SIM1: variants seen among roughly 807,000 people sequenced by gnomAD.
SIM1 encodes single-minded homolog 1.
In SIM1, 18 loss-of-function variants were observed where a neutral mutation model predicts 78.2. The ratio of observed to expected loss-of-function variants is 0.23; its 90% CI spans 0.16 to 0.34. SIM1 has a LOEUF of 0.34. Ranked by LOEUF, SIM1 falls within the 10% of genes least tolerant of loss-of-function variation. SIM1 has a pLI of 1.00. For synonymous variants in SIM1, 417 were observed against 385.2 expected, an observed-to-expected ratio of 1.08 and a Z score of -0.97; for missense variants, 939 against 975.1, an observed-to-expected ratio of 0.96 and a Z score of 0.49.
At chr6:100,409,380 T>C (rs1386287761) in intron 10 of SIM1, among the ~76,000 whole-genome samples, 1 of 152,094 alleles carries the variant, frequency 6.6e-6, no homozygotes, top group South Asian at 2.1e-4. Context: ...TAGTATCAGC[T>C]ATAATATTTC....
chr6:100,388,177 T>C lies in SIM1; in HGVS notation c.*2184A>G, dbSNP rs1310981271. 6.6e-6 allele frequency: 1 copy of C among 152,188 alleles called. No individual in the cohort carries two copies. Among genetic ancestry groups the C allele is most frequent in the Non-Finnish European group, 1.5e-5 (1 of 68,020 alleles). The allele number at this position is 152,188 out of a possible 1,614,324, so 9.4% of individuals were successfully genotyped here. A position where few individuals can be genotyped will look rare whatever the true frequency, so the allele number is the denominator to read the frequency against. Reference sequence around the variant, plus strand: ...AATTCAAAACTTAGTTTTTATTGTATGGTCACCCCTTGGTATAAACAGGGA... The same window carrying C: ...AATTCAAAACTTAGTTTTTATTGTACGGTCACCCCTTGGTATAAACAGGGA... On this transcript the variant is annotated 3_prime_UTR_variant, in exon 12 of 12. Coordinates refer to ENST00000369208, the MANE Select transcript of SIM1 (RefSeq NM_005068.3).
At chr6:100,444,047 A>G (rs1772287955) in intron 9 of SIM1, among the ~76,000 whole-genome samples, 1 of 152,150 alleles carries the variant, frequency 6.6e-6, no homozygotes, top group Admixed American at 6.5e-5. Flanking sequence ...GTCTGAAAAC[A>G]TAAATAGAAC....
At chr6:100,457,554 T>C (rs942542941) in intron 2 of SIM1, among the ~76,000 whole-genome samples, 8 of 152,348 alleles carry the variant, frequency 5.3e-5, no homozygotes, top group Non-Finnish European at 8.8e-5. Flanking sequence ...AAATGTGTAC[T>C]GTGCAAGTCT....
intron 9 of SIM1, among the ~76,000 whole-genome samples, chr6:100,445,561 T>C (rs1303800207): frequency 6.6e-6 from 1 of 152,202 alleles, no homozygotes; most frequent in East Asian, 1.9e-4. Context: ...TGTACACTTA[T>C]CTACTGGAAA....
chr6:100,397,231 C>T (rs899557134), intron 10 of SIM1, among the ~76,000 whole-genome samples: 2 of 152,098 alleles, frequency 1.3e-5, no homozygotes, highest in African/African-American at 4.8e-5. Context: ...ATTCTAGAGG[C>T]TTCTGAGTTT....
intron 9 of SIM1, among the ~76,000 whole-genome samples, chr6:100,437,980 A>C (rs977996462): frequency 6.6e-6 from 1 of 152,192 alleles, no homozygotes; most frequent in Non-Finnish European, 1.5e-5. Flanking sequence ...AGGATCAAAG[A>C]CTTAAATCTA....
Position 100,449,613 on chromosome 6 carries a change from G to T in SIM1, c.435C>A (p.Pro145=). The T allele has an allele frequency of 1.9e-6, 3 of 1,614,056 alleles. No homozygotes were observed. Among genetic ancestry groups the T allele is most frequent in the Non-Finnish European group, 2.5e-6 (3 of 1,179,910 alleles). ...EMTAVLTAHQ[P]YHSHFVQEYE... is the part of the protein sequence containing the mutation. Reference sequence around the variant, plus strand: ...TACCCTGCACGAAGTGAGAGTGGTAGGGTTGATGGGCGGTGAGCACCGCCG... The same window carrying T: ...TACCCTGCACGAAGTGAGAGTGGTATGGTTGATGGGCGGTGAGCACCGCCG... Residue 145 remains proline (P), a synonymous_variant, in exon 5 of 12, where the codon CCC becomes CCA. Transcript: ENST00000369208.
chr6:100,445,882 C>T (rs1237993188), intron 9 of SIM1, among the ~76,000 whole-genome samples: 1 of 152,086 alleles, frequency 6.6e-6, no homozygotes, highest in African/African-American at 2.4e-5. Context: ...CTTTGCCATT[C>T]TCTCTTGCAT....
Position 100,463,468 on chromosome 6 carries a change from TTG to T in SIM1, c.-2_-1del. On this transcript the variant is annotated 5_prime_UTR_variant, in exon 2 of 12. Transcript: ENST00000369208. The stretch of plus-strand genomic sequence containing the variant: ...GCAGCATTTTTGGACTTTTCTTTCA[TTG>T]TGTCTTGTTCCCCCTTTCTTCTCAC... 6.2e-7 allele frequency: 1 copy of T among 1,602,598 alleles called. No individual in the cohort carries two copies. The highest frequency in any genetic ancestry group is 8.5e-7 in the Non-Finnish European group (1 of 1,170,460).
chr6:100,440,463 C>T (rs1240948478), intron 9 of SIM1, among the ~76,000 whole-genome samples: 1 of 152,206 alleles, frequency 6.6e-6, no homozygotes, highest in African/African-American at 2.4e-5. Flanking sequence ...AGACCCCAAA[C>T]ATTGTCAATG....
chr6:100,437,662 G>T (rs539458932), intron 9 of SIM1, among the ~76,000 whole-genome samples: 1 of 152,292 alleles, frequency 6.6e-6, no homozygotes, highest in East Asian at 1.9e-4. Context: ...AAGAGACTGT[G>T]CCTCCCTGGC....
At position 100,463,417 on chromosome 6, in the gene SIM1, T is replaced by A. The variant is rs1419645655; in HGVS notation, c.52A>T (p.Ser18Cys). 7 of 1,613,958 alleles carry A rather than the reference T, an allele frequency of 4.3e-6. No individual in the cohort carries two copies. In the African/African-American group the frequency reaches 9.3e-5, roughly 22 times the overall value. The change falls in exon 2 of 12, where the codon AGT becomes TGT. Residue 18 changes from serine to cysteine, a missense_variant. Transcript: ENST00000369208. Reference sequence around the variant, plus strand: ...AATTTAGCCAGTTCATAAAATTCACTGTTTTCCTTCTCCCTCCTAGTCCGC... The same window carrying A: ...AATTTAGCCAGTTCATAAAATTCACAGTTTTCCTTCTCCCTCCTAGTCCGC... ...AARTRREKEN[S>C]EFYELAKLLP...
chr6:100,461,399 C>G (rs959850262), intron 2 of SIM1, among the ~76,000 whole-genome samples: 4 of 152,214 alleles, frequency 2.6e-5, no homozygotes, highest in Admixed American at 1.3e-4. Flanking sequence ...CCTGGCCGGC[C>G]GACTCCCCGG....
intron 10 of SIM1, among the ~76,000 whole-genome samples, chr6:100,406,909 C>A (rs923171778): frequency 6.6e-6 from 1 of 151,616 alleles, no homozygotes; most frequent in Non-Finnish European, 1.5e-5. Flanking sequence ...AGTCACCATG[C>A]TCTACATTAG....
At chr6:100,450,455 G>A in intron 3 of SIM1, 99 bp from the exon 4 acceptor site, 1 of 1,017,304 alleles carries the variant, frequency 9.8e-7, no homozygotes, top group Non-Finnish European at 1.5e-6. Context: ...CAAAAGTGTA[G>A]AGAGATGGAG....
At chr6:100,464,223 C>G (rs545766340) in intron 1 of SIM1, among the ~76,000 whole-genome samples, 3 of 152,214 alleles carry the variant, frequency 2.0e-5, no homozygotes, top group Non-Finnish European at 2.9e-5. Context: ...CGCGGATCCC[C>G]GAGTCCGCGC....
At chr6:100,398,933 T>TTGTGTGTGTGTG (rs370296648) in intron 10 of SIM1, among the ~76,000 whole-genome samples, 14 of 146,962 alleles carry the variant, frequency 9.5e-5, no homozygotes, top group African/African-American at 3.5e-4. Flanking sequence ...ACACTTGTTA[T>TTGTGTGTGTGTG]TGTGTGTGTG....
intron 2 of SIM1, among the ~76,000 whole-genome samples, chr6:100,459,999 T>G (rs558969135): frequency 3.9e-5 from 6 of 152,354 alleles, no homozygotes; most frequent in African/African-American, 4.8e-5. Context: ...GCAAGGCTAC[T>G]TTGGAATAGA....
intron 10 of SIM1, among the ~76,000 whole-genome samples, chr6:100,398,460 C>A (rs1770822554): frequency 6.6e-6 from 1 of 152,104 alleles, no homozygotes; most frequent in Non-Finnish European, 1.5e-5. Context: ...TCCTTAACAA[C>A]CACCATTCTA....
Sources: allele counts gnomAD v4.1 joint callset (sites outside exome capture counted in the v4.1 genomes callset), GRCh38; gene constraint gnomAD v4.1.1; transcripts MANE v1.5; gene names NCBI Gene and HGNC (gene_info 2026-07-23, HGNC 2026-07-21).